The following ZC3H12B variants were observed in gnomAD, a reference collection of about 807,000 sequenced individuals.
ZC3H12B encodes the protein zinc finger CCCH-type containing 12B, also known as probable ribonuclease ZC3H12B.
In ZC3H12B, 7 loss-of-function variants were observed where a neutral mutation model predicts 43.9. The ratio of observed to expected loss-of-function variants is 0.16; its 90% CI spans 0.09 to 0.30. ZC3H12B has a LOEUF of 0.30. Ranked by LOEUF, ZC3H12B falls within the 10% of genes least tolerant of loss-of-function variation. The pLI, the probability that ZC3H12B is intolerant of heterozygous loss-of-function variation, is 1.00. For missense variants in ZC3H12B, 475 were observed against 670.2 expected (o/e 0.71, Z 3.22); for synonymous variants, 222 against 241.7 (o/e 0.92, Z 0.76).
intron 2 of ZC3H12B, among the ~76,000 whole-genome samples, chrX:65,390,255 A>G (rs1019825894): frequency 1.3e-4 from 14 of 110,480 alleles, no homozygotes; most frequent in African/African-American, 4.6e-4. Context: ...TGGGGCTGTC[A>G]TAGGGTAGGG....
intron 3 of ZC3H12B, 70 bp downstream of exon 5, chrX:65,398,774 A>C (rs781682763): frequency 8.9e-6 from 1 of 111,868 alleles, no homozygotes; most frequent in East Asian, 2.8e-4. Context: ...GCAGCATGAA[A>C]ATGTACTAAT....
the ZC3H12B span, among the ~76,000 whole-genome samples, chrX:65,213,819 G>C: frequency 9.2e-6 from 1 of 108,358 alleles, no homozygotes; most frequent in Admixed American, 1.0e-4. Flanking sequence ...TTGCAGGTTT[G>C]GTTTCAGACC....
At chrX:65,216,300 A>G in the ZC3H12B span, among the ~76,000 whole-genome samples, 6 of 111,041 alleles carry the variant, frequency 5.4e-5, no homozygotes, top group Non-Finnish European at 1.1e-4. Context: ...CTGAGAGAGT[A>G]TATGTGTGCT....
At chrX:65,182,660 T>C in the ZC3H12B span, among the ~76,000 whole-genome samples, 1 of 109,866 alleles carries the variant, frequency 9.1e-6, no homozygotes, top group East Asian at 2.9e-4. Flanking sequence ...ATATTTGCAA[T>C]GTGTGCATTC....
intron 2 of ZC3H12B, among the ~76,000 whole-genome samples, chrX:65,376,519 G>A (rs1280525856): frequency 1.8e-5 from 2 of 111,676 alleles, no homozygotes; most frequent in African/African-American, 3.3e-5. Context: ...TCCAGTGGTG[G>A]TACTCACTGG....
chrX:65,047,942 G>A, the ZC3H12B span, among the ~76,000 whole-genome samples: 167 of 110,472 alleles, frequency 1.5e-3, 2 homozygotes, highest in African/African-American at 5.3e-3. Context: ...AAATAACATG[G>A]TATCTACCCT....
At chrX:65,204,208 ATC>A in the ZC3H12B span, among the ~76,000 whole-genome samples, 1 of 112,000 alleles carries the variant, frequency 8.9e-6, no homozygotes, top group Non-Finnish European at 1.9e-5. Context: ...GCATTTATTC[ATC>A]TGATTTTTGG....
the ZC3H12B span, among the ~76,000 whole-genome samples, chrX:65,296,212 C>A: frequency 4.5e-5 from 5 of 111,259 alleles, no homozygotes; most frequent in Admixed American, 4.8e-4. Context: ...TTTGCAGCAA[C>A]CTGTATAGAA....
chrX:65,069,241 C>G, the ZC3H12B span, among the ~76,000 whole-genome samples: 1 of 105,141 alleles, frequency 9.5e-6, no homozygotes. Context: ...TCTACCTCCT[C>G]TTTAAGGCCA....
rs981753836 is a variant in ZC3H12B, at chrX:65,380,390, T to C, written n.295+11392T>C. 3.6e-5 allele frequency among the ~76,000 whole-genome samples: 4 copies of C among 111,180 alleles called. No homozygotes were observed. The East Asian group carries it at 8.3e-4, about 23-fold the overall frequency. On this transcript the variant is annotated intron_variant and non_coding_transcript_variant, in intron 2 of 5. Transcript: ENST00000617377. ...TAAGTGAAGGAGAAATAAAATACTT[T>C]ACAGACAAGCAAATGCTGAGATATG...
chrX:65,115,726 A>T, the ZC3H12B span, among the ~76,000 whole-genome samples: 1 of 110,825 alleles, frequency 9.0e-6, no homozygotes, highest in African/African-American at 3.3e-5. Flanking sequence ...GTATTTTTTT[A>T]ATTTTTTGAT....
the ZC3H12B span, among the ~76,000 whole-genome samples, chrX:65,162,631 C>T: frequency 5.4e-5 from 6 of 111,938 alleles, no homozygotes; most frequent in African/African-American, 1.9e-4. Context: ...CTCCTTTAAG[C>T]ACTTCTCTGT....
At chrX:65,137,460 T>C in the ZC3H12B span, among the ~76,000 whole-genome samples, 1 of 112,226 alleles carries the variant, frequency 8.9e-6, no homozygotes, top group Non-Finnish European at 1.9e-5. Flanking sequence ...ATTCTATTTT[T>C]GAGGCTGAGA....
chrX:65,067,135 C>G, the ZC3H12B span, among the ~76,000 whole-genome samples: 2 of 110,088 alleles, frequency 1.8e-5, no homozygotes, highest in African/African-American at 6.7e-5. Flanking sequence ...AGCCCCCTTT[C>G]CAGAGGAGTG....
At chrX:65,269,697 G>T in the ZC3H12B span, among the ~76,000 whole-genome samples, 1 of 108,861 alleles carries the variant, frequency 9.2e-6, no homozygotes, top group East Asian at 2.9e-4. Flanking sequence ...ACAAGGTTTT[G>T]CTATGTTGCC....
At chrX:65,094,203 C>A in the ZC3H12B span, among the ~76,000 whole-genome samples, 1 of 109,539 alleles carries the variant, frequency 9.1e-6, no homozygotes, top group East Asian at 2.9e-4. Context: ...AGAAGCTGAG[C>A]AGATGTCAGT....
chrX:65,042,056 A>T, the ZC3H12B span, among the ~76,000 whole-genome samples: 1 of 112,270 alleles, frequency 8.9e-6, no homozygotes, highest in Non-Finnish European at 1.9e-5. Context: ...AAGAAGGGAA[A>T]AAAAGCTAGT....
the ZC3H12B span, among the ~76,000 whole-genome samples, chrX:65,121,387 A>C: frequency 9.0e-6 from 1 of 111,467 alleles, no homozygotes; most frequent in Non-Finnish European, 1.9e-5. Context: ...GGGAGGGTGC[A>C]TGTGTCAAGG....
chrX:65,376,534 C>T lies in ZC3H12B; in HGVS notation n.295+7536C>T, dbSNP rs764434299. On this transcript the variant is annotated intron_variant and non_coding_transcript_variant, in intron 2 of 5. Coordinates refer to the ZC3H12B transcript ENST00000617377. ...TCCAGTGGTGGTACTCACTGGGCTG[C>T]TTAAGTCACACGACACCTAGCTCCA... Among the ~76,000 whole-genome samples, 3 of 111,768 alleles carry T rather than the reference C, an allele frequency of 2.7e-5. No individual in the cohort carries two copies. The South Asian group carries it at 1.1e-3, about 42-fold the overall frequency.
Sources: allele counts gnomAD v4.1 joint callset (sites outside exome capture counted in the v4.1 genomes callset), GRCh38; gene constraint gnomAD v4.1.1; transcripts MANE v1.5; gene names NCBI Gene and HGNC (gene_info 2026-07-23, HGNC 2026-07-21).